Variants in GADL1 observed in about 807,000 individuals in gnomAD.
GADL1 encodes acidic amino acid decarboxylase GADL1.
A neutral mutation model predicts 69.5 loss-of-function variants in GADL1; 71 were observed. That is an observed-to-expected ratio of 1.02 (90% confidence interval 0.84 to 1.25). The LOEUF is 1.25. GADL1 is among the 50% of genes most tolerant of loss of function. GADL1 has a pLI of 0.00. For missense variants in GADL1, 737 were observed against 631.8 expected, an observed-to-expected ratio of 1.17 and a Z score of -1.79; for synonymous variants, 254 against 214.4, an observed-to-expected ratio of 1.18 and a Z score of -1.62.
intron 8 of GADL1, 54 bp from the exon 9 acceptor site, chr3:30,839,167 C>G: frequency 8.8e-7 from 1 of 1,142,574 alleles, no homozygotes; most frequent in Non-Finnish European, 1.2e-6. Flanking sequence ...TAAATTTGTC[C>G]TGTAATAGCT....
At chr3:30,758,916 C>G (rs1696049690) in intron 14 of GADL1, among the ~76,000 whole-genome samples, 1 of 152,024 alleles carries the variant, frequency 6.6e-6, no homozygotes, top group East Asian at 1.9e-4. Context: ...CATTTGATCT[C>G]CTTCTAAAGT....
At chr3:30,854,232 A>C (rs1429321644) in intron 4 of GADL1, among the ~76,000 whole-genome samples, 1 of 152,194 alleles carries the variant, frequency 6.6e-6, no homozygotes, top group Non-Finnish European at 1.5e-5. Context: ...CCAACTAGGA[A>C]AAATTGTCCC....
intron 11 of GADL1, 77 bp from the exon 12 acceptor site, chr3:30,801,165 C>T: frequency 9.6e-7 from 1 of 1,037,648 alleles, no homozygotes; most frequent in Non-Finnish European, 1.5e-6. Context: ...CATGTACACA[C>T]ACAATGTGTA....
chr3:30,780,326 G>A (rs1449998191), intron 13 of GADL1, among the ~76,000 whole-genome samples: 2 of 152,078 alleles, frequency 1.3e-5, no homozygotes, highest in African/African-American at 4.8e-5. Flanking sequence ...GCTATCCCAT[G>A]AGCCAAGGTC....
chr3:30,857,207 A>G, intron 2 of GADL1, 66 bp from the exon 3 acceptor site: 1 of 1,378,126 alleles, frequency 7.3e-7, no homozygotes, highest in South Asian at 1.3e-5. Context: ...GATGTTACAA[A>G]CGTGGACTCT....
intron 7 of GADL1, 60 bp from the exon 8 acceptor site, chr3:30,844,324 G>T (rs1698019665): frequency 6.4e-7 from 1 of 1,550,624 alleles, no homozygotes; most frequent in Non-Finnish European, 8.9e-7. Flanking sequence ...TAATGATACT[G>T]CTTTATAAAC....
At chr3:30,753,434 TTA>T (rs769461437) in intron 14 of GADL1, among the ~76,000 whole-genome samples, 5 of 151,724 alleles carry the variant, frequency 3.3e-5, no homozygotes, top group East Asian at 1.9e-4. Flanking sequence ...TTTCCTTAGT[TTA>T]TTTTTTAATT....
At chr3:30,776,725 TCTTC>T (rs1393109337) in intron 14 of GADL1, among the ~76,000 whole-genome samples, 2 of 152,336 alleles carry the variant, frequency 1.3e-5, no homozygotes, top group South Asian at 2.1e-4. Context: ...TGTTCTGCCC[TCTTC>T]CTTCTAGTTA....
intron 13 of GADL1, 149 bp downstream of exon 13, chr3:30,786,206 A>G: frequency 1.5e-6 from 1 of 653,336 alleles, no homozygotes; most frequent in Non-Finnish European, 2.7e-6. Context: ...CTAATAGAGT[A>G]AATTAACATA....
chr3:30,757,131 T>C (rs1162859647), intron 14 of GADL1, among the ~76,000 whole-genome samples: 1 of 152,158 alleles, frequency 6.6e-6, no homozygotes, highest in Non-Finnish European at 1.5e-5. Context: ...AGACTGCTCT[T>C]AATTCAGAGT....
chr3:30,864,856 T>G lies in GADL1; in HGVS notation c.38-3091A>C, dbSNP rs117478585. ...TTCAAACCACCTTCAAATGCTAGGG[T>G]TACTGCAGTAGCCTCCCAACTAACC... On this transcript the variant is annotated intron_variant, in intron 1 of 14. Coordinates refer to ENST00000282538, the MANE Select transcript of GADL1 (RefSeq NM_207359.3). Among the ~76,000 whole-genome samples the G allele has an allele frequency of 5.3e-4, 81 of 152,056 alleles. No homozygotes were observed. The East Asian group carries it at 6.4e-3, about 12-fold the overall frequency.
At chr3:30,783,512 AGAC>A (rs147991734) in intron 13 of GADL1, among the ~76,000 whole-genome samples, 34,390 of 152,026 alleles carry the variant, frequency 0.23, 4,608 homozygotes, top group Non-Finnish European at 0.3. Flanking sequence ...CCTTGCTGTT[AGAC>A]AACAGTGACA....
intron 11 of GADL1, among the ~76,000 whole-genome samples, chr3:30,806,357 T>A (rs1423998363): frequency 2.6e-5 from 4 of 152,132 alleles, no homozygotes; most frequent in African/African-American, 9.7e-5. Flanking sequence ...AGGTGCTAAG[T>A]GTCTGGGTTA....
At chr3:30,755,461 C>T (rs993484121) in intron 14 of GADL1, among the ~76,000 whole-genome samples, 1 of 152,206 alleles carries the variant, frequency 6.6e-6, no homozygotes, top group Non-Finnish European at 1.5e-5. Flanking sequence ...ATTCACACAT[C>T]TAAAAATATT....
chr3:30,762,435 C>T (rs1696159837), intron 14 of GADL1, among the ~76,000 whole-genome samples: 1 of 152,124 alleles, frequency 6.6e-6, no homozygotes, highest in Non-Finnish European at 1.5e-5. Context: ...CTTCAACAAA[C>T]AACTTCAAAG....
At position 30,800,887 on chromosome 3, in the gene GADL1, A is replaced by G. The variant is rs1300722943; in HGVS notation, c.1250+2T>C. ...GAGAGAGAGAGAGAGAGAGGCTAGTACCTAGATAAAGCAAGAGCACGATTA... is the reference window on the plus strand; with the variant it reads ...GAGAGAGAGAGAGAGAGAGGCTAGTGCCTAGATAAAGCAAGAGCACGATTA... On this transcript the variant is annotated splice_donor_variant, in intron 12 of 14. Transcript: ENST00000282538. LOFTEE classifies it high-confidence loss of function. 6.2e-7 allele frequency: 1 copy of G among 1,601,388 alleles called. No individual in the cohort carries two copies. Among genetic ancestry groups the G allele is most frequent in the Non-Finnish European group, 8.5e-7 (1 of 1,174,960 alleles).
chr3:30,804,521 C>T (rs1034665272), intron 11 of GADL1, among the ~76,000 whole-genome samples: 24 of 152,070 alleles, frequency 1.6e-4, no homozygotes, highest in Admixed American at 1.3e-4. Flanking sequence ...GAAAGAATCC[C>T]CCACCCCGAT....
chr3:30,786,451 AG>A (rs1401557258), intron 12 of GADL1, 45 bp from the exon 13 acceptor site: 1 of 1,007,566 alleles, frequency 9.9e-7, no homozygotes, highest in African/African-American at 1.6e-5. Flanking sequence ...GCAATGTAAA[AG>A]TGTCATGAAC....
intron 14 of GADL1, among the ~76,000 whole-genome samples, chr3:30,751,795 T>TC (rs1695826034): frequency 8.5e-6 from 1 of 118,024 alleles, no homozygotes; most frequent in African/African-American, 3.0e-5. Context: ...GGCTCATAGT[T>TC]TTTAGAGGAA....
Sources: allele counts gnomAD v4.1 joint callset (sites outside exome capture counted in the v4.1 genomes callset), GRCh38; gene constraint gnomAD v4.1.1; transcripts MANE v1.5; gene names NCBI Gene and HGNC (gene_info 2026-07-23, HGNC 2026-07-21).